ADARB2: variants seen among roughly 807,000 people sequenced by gnomAD.
ADARB2 encodes the protein adenosine deaminase RNA specific B2 (inactive).
ADARB2 carries 25 observed loss-of-function variants against 62.2 expected under a neutral mutation model. The ratio of observed to expected loss-of-function variants is 0.40; its 90% CI spans 0.29 to 0.56. The LOEUF (loss-of-function observed/expected upper bound fraction) is 0.56, where lower values mean the gene tolerates loss of function less well. ADARB2 is among the 20% of genes least tolerant of loss of function. ADARB2 has a pLI of 0.43. For missense variants in ADARB2, 1,071 were observed against 1,077.4 expected, an observed-to-expected ratio of 0.99 and a Z score of 0.08; for synonymous variants, 572 against 500.8, an observed-to-expected ratio of 1.14 and a Z score of -1.90.
At chr10:1,596,440 C>T (rs948135773) in intron 1 of ADARB2, among the ~76,000 whole-genome samples, 13 of 152,206 alleles carry the variant, frequency 8.5e-5, no homozygotes, top group East Asian at 5.8e-4. Context: ...TAATGACCAT[C>T]GGCAGCTAGG....
chr10:1,500,679 T>C (rs1831755786), intron 1 of ADARB2, among the ~76,000 whole-genome samples: 1 of 152,214 alleles, frequency 6.6e-6, no homozygotes, highest in Admixed American at 6.5e-5. Flanking sequence ...CAAAAACATT[T>C]AATCTTGCCC....
At chr10:1,546,401 T>C (rs1188652625) in intron 1 of ADARB2, among the ~76,000 whole-genome samples, 1 of 152,230 alleles carries the variant, frequency 6.6e-6, no homozygotes, top group Non-Finnish European at 1.5e-5. Flanking sequence ...GTGCTTCCGT[T>C]ACCACTGTTG....
At position 1,315,046 on chromosome 10, in the gene ADARB2, TAGCGTAC is replaced by T. The variant is rs1199206241; in HGVS notation, c.1078-43984_1078-43978del. ...GCCCCGAGGTTCCAACATGACGAAG[TAGCGTAC>T]AGTTAAGGGGTCCTGGGCAGGGAGC... On this transcript the variant is annotated intron_variant, in intron 3 of 9. Transcript: ENST00000381312. Among the ~76,000 whole-genome samples the T allele has an allele frequency of 5.3e-5, 8 of 152,260 alleles. No homozygotes were observed. In the East Asian group the frequency reaches 1.4e-3, roughly 26 times the overall value.
intron 1 of ADARB2, among the ~76,000 whole-genome samples, chr10:1,714,660 C>T (rs1389107126): frequency 6.6e-6 from 1 of 152,176 alleles, no homozygotes; most frequent in East Asian, 1.9e-4. Flanking sequence ...CCACAGAAGG[C>T]AGGAAGATCA....
At chr10:1,216,774 C>G in intron 7 of ADARB2, 177 bp downstream of exon 7, 1 of 859,132 alleles carries the variant, frequency 1.2e-6, no homozygotes, top group Admixed American at 2.8e-5. Context: ...GCCTTGGCCT[C>G]AGGGTGTGGG....
chr10:1,447,479 A>G (rs376673085), intron 1 of ADARB2, among the ~76,000 whole-genome samples: 24 of 152,296 alleles, frequency 1.6e-4, no homozygotes, highest in East Asian at 9.6e-4. Context: ...GCAGAACACA[A>G]TGGGAAGAGA....
chr10:1,247,031 C>G (rs1268422443), intron 4 of ADARB2, among the ~76,000 whole-genome samples: 1 of 152,056 alleles, frequency 6.6e-6, no homozygotes, highest in African/African-American at 2.4e-5. Flanking sequence ...TGTAGTTCTC[C>G]TTGAAGAGGT....
intron 4 of ADARB2, among the ~76,000 whole-genome samples, chr10:1,263,890 T>C (rs1215439757): frequency 6.6e-6 from 1 of 152,220 alleles, no homozygotes; most frequent in Non-Finnish European, 1.5e-5. Context: ...TGATTTTCTT[T>C]TCCTCTCCAT....
intron 3 of ADARB2, among the ~76,000 whole-genome samples, chr10:1,323,250 T>TA (rs201803705): frequency 0.08 from 10,372 of 130,354 alleles, 407 homozygotes; most frequent in Middle Eastern, 0.13. Flanking sequence ...TTTGAAATTG[T>TA]AAAAAAAAAA....
chr10:1,571,220 T>C (rs752875046), intron 1 of ADARB2, among the ~76,000 whole-genome samples: 1 of 152,116 alleles, frequency 6.6e-6, no homozygotes, highest in Non-Finnish European at 1.5e-5. Flanking sequence ...ACACACACTT[T>C]ACTGCAGAGC....
chr10:1,261,342 AAACTACCATCAGAGT>A (rs1448075550), intron 4 of ADARB2, among the ~76,000 whole-genome samples: 8 of 149,150 alleles, frequency 5.4e-5, no homozygotes, highest in African/African-American at 2.0e-4. Flanking sequence ...ACAGCAAAAG[AAACTACCATCAGAGT>A]GAACAGGCAA....
At chr10:1,695,341 C>G (rs1380493085) in intron 1 of ADARB2, among the ~76,000 whole-genome samples, 1 of 152,188 alleles carries the variant, frequency 6.6e-6, no homozygotes, top group African/African-American at 2.4e-5. Flanking sequence ...GACCCCCGAG[C>G]CTCAGCTGTT....
chr10:1,492,707 T>G (rs935408255), intron 1 of ADARB2, among the ~76,000 whole-genome samples: 29 of 151,812 alleles, frequency 1.9e-4, no homozygotes, highest in African/African-American at 7.0e-4. Flanking sequence ...AGTCAGGGAG[T>G]GTCCCGGGTG....
rs1564257890 is a variant in ADARB2 at position 1,326,856 on chromosome 10, A to ACGGCCCAGCGC, written c.1077+36171_1077+36172insGCGCTGGGCCG. Among the ~76,000 whole-genome samples the ACGGCCCAGCGC allele has an allele frequency of 1.9e-4, 9 of 47,996 alleles. 4 individuals carry two copies. Among genetic ancestry groups the ACGGCCCAGCGC allele is most frequent in the Non-Finnish European group, 2.9e-4 (6 of 20,460 alleles). 31.5% of individuals were successfully genotyped at this position (47,996 alleles called of 152,430 possible). On this transcript the variant is annotated intron_variant, in intron 3 of 9. Coordinates refer to ENST00000381312, the MANE Select transcript of ADARB2 (RefSeq NM_018702.4). ...CCTCCCCACGGCCCAGCGCCTCCCC[A>ACGGCCCAGCGC]CTGCCCAGCGCCTCCCCACGGCACA...
At chr10:1,212,691 C>A (rs1183184832) in intron 7 of ADARB2, among the ~76,000 whole-genome samples, 3 of 151,578 alleles carry the variant, frequency 2.0e-5, no homozygotes, top group African/African-American at 4.8e-5. Flanking sequence ...GCCCTGAGTG[C>A]ACCTCACTGT....
At chr10:1,243,942 C>G (rs1027184175) in intron 4 of ADARB2, among the ~76,000 whole-genome samples, 3 of 152,220 alleles carry the variant, frequency 2.0e-5, no homozygotes, top group African/African-American at 7.2e-5. Flanking sequence ...CAGGAAGTGA[C>G]CAGACTTCCC....
chr10:1,506,464 C>T (rs1831854461), intron 1 of ADARB2, among the ~76,000 whole-genome samples: 4 of 152,182 alleles, frequency 2.6e-5, no homozygotes, highest in Non-Finnish European at 1.5e-5. Context: ...GCACCAGACA[C>T]CAGCAAAACT....
At chr10:1,582,323 G>A (rs1049288929) in intron 1 of ADARB2, among the ~76,000 whole-genome samples, 2 of 152,108 alleles carry the variant, frequency 1.3e-5, no homozygotes, top group Non-Finnish European at 2.9e-5. Flanking sequence ...CAGTCTCAGG[G>A]CCCCTATCAG....
At chr10:1,462,290 T>G (rs1261564045) in intron 1 of ADARB2, among the ~76,000 whole-genome samples, 1 of 152,172 alleles carries the variant, frequency 6.6e-6, no homozygotes, top group Non-Finnish European at 1.5e-5. Flanking sequence ...CTTGGCCAAG[T>G]GTCCCCAGCA....
Sources: allele counts gnomAD v4.1 joint callset (sites outside exome capture counted in the v4.1 genomes callset), GRCh38; gene constraint gnomAD v4.1.1; transcripts MANE v1.5; gene names NCBI Gene and HGNC (gene_info 2026-07-23, HGNC 2026-07-21).